DPH6: variants seen among roughly 807,000 people sequenced by gnomAD.
DPH6 encodes diphthamine biosynthesis 6, also known as diphthine--ammonia ligase.
In DPH6, 33 loss-of-function variants were observed where a neutral mutation model predicts 38.2. The ratio of observed to expected loss-of-function variants is 0.86; its 90% CI spans 0.65 to 1.15. DPH6 has a LOEUF of 1.15. Among genes scored for constraint, DPH6 ranks in the 50% most tolerant of loss-of-function variants. The probability of loss-of-function intolerance (pLI) is 0.00; values close to 1 mark genes in which losing one functional copy is unlikely to be tolerated. For missense variants in DPH6, 325 were observed against 320.0 expected (o/e 1.02, Z -0.12); for synonymous variants, 108 against 103.0 (o/e 1.05, Z -0.30).
chr15:35,466,893 C>T (rs2054133154), intron 3 of DPH6, among the ~76,000 whole-genome samples: 1 of 152,014 alleles, frequency 6.6e-6, no homozygotes, highest in African/African-American at 2.4e-5. Flanking sequence ...AAATGATACA[C>T]CTTTAAAGTG....
chr15:35,167,571 TTAA>T, the DPH6 span, among the ~76,000 whole-genome samples: 62 of 23,282 alleles, frequency 2.7e-3, no homozygotes, highest in Non-Finnish European at 7.1e-3. Flanking sequence ...TGTCTTTTTT[TTAA>T]AAAAAAAAAA....
At chr15:35,222,746 G>A (rs568223492) in intron 3 of DPH6, among the ~76,000 whole-genome samples, 2 of 152,152 alleles carry the variant, frequency 1.3e-5, no homozygotes, top group Non-Finnish European at 2.9e-5. Context: ...GTGAGCAGAG[G>A]GATGACTTTG....
In DPH6 at chr15:35,546,157, C is replaced by T. The variant is rs769099641; in HGVS notation, c.-16G>A. 1.8e-5 allele frequency: 25 copies of T among 1,377,798 alleles called. No homozygotes were observed. Among genetic ancestry groups the T allele is most frequent in the Non-Finnish European group, 2.3e-5 (24 of 1,052,114 alleles). 85.3% of individuals were successfully genotyped at this position (1,377,798 alleles called of 1,614,324 possible). ...CGACCCTCATGCTGGGCGCAGTGCG[C>T]GTGCGTGCGGCGAGCGCGGGCGGGA... On this transcript the variant is annotated 5_prime_UTR_variant, in exon 1 of 9. Transcript: ENST00000256538.
intron 3 of DPH6, among the ~76,000 whole-genome samples, chr15:35,290,091 C>T (rs762911310): frequency 2.2e-4 from 33 of 152,168 alleles, no homozygotes; most frequent in Admixed American, 3.9e-4. Context: ...TTGCAATGAA[C>T]ACACATTTTA....
At chr15:35,430,155 G>A (rs533866340) in intron 5 of DPH6, among the ~76,000 whole-genome samples, 2 of 152,118 alleles carry the variant, frequency 1.3e-5, no homozygotes, top group East Asian at 1.9e-4. Flanking sequence ...TTGAATGAAG[G>A]GGAAAAAGGA....
chr15:35,440,138 T>C (rs2053768497), intron 5 of DPH6, among the ~76,000 whole-genome samples: 1 of 152,162 alleles, frequency 6.6e-6, no homozygotes, highest in Non-Finnish European at 1.5e-5. Context: ...GGATGGGTAA[T>C]GTAAAAATCT....
the DPH6 span, among the ~76,000 whole-genome samples, chr15:35,210,999 A>G: frequency 3.9e-5 from 5 of 129,328 alleles, no homozygotes; most frequent in African/African-American, 1.5e-4. Flanking sequence ...ATAATTGGAC[A>G]TAAGTGATAT....
intron 3 of DPH6, among the ~76,000 whole-genome samples, chr15:35,499,549 G>A (rs924714876): frequency 1.3e-5 from 2 of 152,128 alleles, no homozygotes; most frequent in African/African-American, 4.8e-5. Flanking sequence ...TTTCCACTGT[G>A]TTTTGGGGAA....
At chr15:35,317,449 AAAAG>A (rs2052201908) in intron 3 of DPH6, among the ~76,000 whole-genome samples, 1 of 150,758 alleles carries the variant, frequency 6.6e-6, no homozygotes, top group Non-Finnish European at 1.5e-5. Flanking sequence ...GAGAGAGAGA[AAAAG>A]AAGGAAAGAA....
chr15:35,290,417 T>G (rs1595463120), intron 3 of DPH6, among the ~76,000 whole-genome samples: 1 of 152,236 alleles, frequency 6.6e-6, no homozygotes, highest in South Asian at 2.1e-4. Flanking sequence ...ATACATGAAG[T>G]GCAGTTCAGA....
At chr15:35,517,198 C>T (rs2054859368) in intron 3 of DPH6, among the ~76,000 whole-genome samples, 1 of 151,808 alleles carries the variant, frequency 6.6e-6, no homozygotes, top group Non-Finnish European at 1.5e-5. Flanking sequence ...ATAAAATTAT[C>T]ATTGACATTT....
At chr15:35,429,500 A>T (rs2141029323) in intron 5 of DPH6, among the ~76,000 whole-genome samples, 1 of 152,202 alleles carries the variant, frequency 6.6e-6, no homozygotes, top group South Asian at 2.1e-4. Flanking sequence ...GTGCTCATTC[A>T]AATAGCTGTT....
intron 3 of DPH6, among the ~76,000 whole-genome samples, chr15:35,256,400 T>C (rs934346317): frequency 3.3e-5 from 5 of 152,206 alleles, no homozygotes; most frequent in Admixed American, 6.5e-5. Flanking sequence ...TTGGGTTTTC[T>C]AATGTTTTTC....
chr15:35,294,929 T>C (rs2052005376), intron 3 of DPH6, among the ~76,000 whole-genome samples: 2 of 152,200 alleles, frequency 1.3e-5, no homozygotes. Context: ...AAGGTCCTGT[T>C]GCATGGTGAG....
chr15:35,276,715 GT>G (rs145748769), intron 3 of DPH6, among the ~76,000 whole-genome samples: 4,621 of 152,156 alleles, frequency 0.03, 201 homozygotes, highest in African/African-American at 0.1. Context: ...TTATGTTTCT[GT>G]TTGCTTTGTG....
At chr15:35,190,608 G>C in the DPH6 span, among the ~76,000 whole-genome samples, 1 of 152,236 alleles carries the variant, frequency 6.6e-6, no homozygotes, top group African/African-American at 2.4e-5. Flanking sequence ...GGGTGTTTCA[G>C]AATCTTGCAG....
intron 3 of DPH6, among the ~76,000 whole-genome samples, chr15:35,360,086 T>C (rs1299296376): frequency 1.3e-5 from 2 of 152,200 alleles, no homozygotes; most frequent in African/African-American, 4.8e-5. Context: ...TTTTGCACCA[T>C]TTAGCCTTGC....
At chr15:35,464,216 C>G (rs1894977986) in intron 3 of DPH6, among the ~76,000 whole-genome samples, 1 of 151,704 alleles carries the variant, frequency 6.6e-6, no homozygotes, top group South Asian at 2.1e-4. Context: ...ATCACTTGAA[C>G]CAGGGAGTCA....
chr15:35,502,331 A>C (rs1466468388), intron 3 of DPH6, among the ~76,000 whole-genome samples: 1 of 152,096 alleles, frequency 6.6e-6, no homozygotes, highest in South Asian at 2.1e-4. Flanking sequence ...AAAAAAAGAA[A>C]AAAGAAAGAA....
Sources: allele counts gnomAD v4.1 joint callset (sites outside exome capture counted in the v4.1 genomes callset), GRCh38; gene constraint gnomAD v4.1.1; transcripts MANE v1.5; gene names NCBI Gene and HGNC (gene_info 2026-07-23, HGNC 2026-07-21).